DPP4: variants seen among roughly 807,000 people sequenced by gnomAD.
DPP4 encodes the protein dipeptidyl peptidase 4, also known as ADCP-2.
Under a neutral mutation model 122.4 loss-of-function variants are expected in DPP4, and 93 were observed. That is an observed-to-expected ratio of 0.76 (90% confidence interval 0.64 to 0.90). DPP4 has a LOEUF of 0.90. Among genes scored for constraint, DPP4 ranks in the 40% least tolerant of loss-of-function variants. The pLI, the probability that DPP4 is intolerant of heterozygous loss-of-function variation, is 0.00. For missense variants in DPP4, 914 were observed against 907.3 expected (o/e 1.01, Z -0.09); for synonymous variants, 321 against 302.9 (o/e 1.06, Z -0.62).
At chr2:162,016,889 A>G in intron 17 of DPP4, 23 bp from the exon 18 acceptor site, 1 of 1,589,000 alleles carries the variant, frequency 6.3e-7, no homozygotes, top group East Asian at 2.2e-5. Flanking sequence ...AGGAGACAGC[A>G]GTCATTCATT....
chr2:162,046,574 T>C (rs1368869468), intron 4 of DPP4: 3 of 391,538 alleles, frequency 7.7e-6, no homozygotes, highest in Non-Finnish European at 1.5e-5. Context: ...TAGCGTTAAG[T>C]GTGTGTATAC....
At chr2:162,049,826 C>T (rs1235660927) in intron 2 of DPP4, among the ~76,000 whole-genome samples, 6 of 152,010 alleles carry the variant, frequency 3.9e-5, no homozygotes, top group Non-Finnish European at 7.4e-5. Context: ...AGCCTTGTAC[C>T]TGCCTAAAAC....
chr2:162,066,107 A>G (rs1251352115), intron 2 of DPP4, among the ~76,000 whole-genome samples: 1 of 152,144 alleles, frequency 6.6e-6, no homozygotes, highest in African/African-American at 2.4e-5. Flanking sequence ...AGCTCTGATA[A>G]AAAGGAAACA....
At chr2:162,041,116 A>G (rs1683969818) in intron 5 of DPP4, among the ~76,000 whole-genome samples, 1 of 152,164 alleles carries the variant, frequency 6.6e-6, no homozygotes, top group African/African-American at 2.4e-5. Flanking sequence ...GGAAAGATAC[A>G]TATTAGACTT....
intron 23 of DPP4, among the ~76,000 whole-genome samples, chr2:161,999,950 G>C (rs1276834582): frequency 1.3e-5 from 2 of 152,146 alleles, no homozygotes; most frequent in Non-Finnish European, 2.9e-5. Context: ...ATTCAGTAAG[G>C]TTAAGTAGCC....
chr2:162,000,201 C>T (rs1269039963), intron 23 of DPP4, among the ~76,000 whole-genome samples: 1 of 152,046 alleles, frequency 6.6e-6, no homozygotes, highest in Non-Finnish European at 1.5e-5. Context: ...ATGCATTCTC[C>T]TACTTGTAAC....
In DPP4 at chr2:161,995,374, T is replaced by C; in HGVS notation, c.2053-2A>G. The C allele has an allele frequency of 6.2e-7, 1 of 1,612,282 alleles. No individual in the cohort carries two copies. The highest frequency in any genetic ancestry group is 8.5e-7 in the Non-Finnish European group (1 of 1,178,378). On this transcript the variant is annotated splice_acceptor_variant, in intron 23 of 25. Coordinates refer to ENST00000360534, the MANE Select transcript of DPP4 (RefSeq NM_001935.4). LOFTEE classifies it high-confidence loss of function. ...AGCTCTGCTCATGACTGTTGAATTCTGGAATTGGGAGAAAGAATGTCATTA... is the reference window on the plus strand; with the variant it reads ...AGCTCTGCTCATGACTGTTGAATTCCGGAATTGGGAGAAAGAATGTCATTA...
chr2:162,021,004 C>T (rs989688675), intron 12 of DPP4, among the ~76,000 whole-genome samples: 11 of 152,156 alleles, frequency 7.2e-5, no homozygotes, highest in African/African-American at 2.4e-4. Context: ...CTTCTGGCTG[C>T]AAGCACCTGG....
intron 2 of DPP4, among the ~76,000 whole-genome samples, chr2:162,053,650 A>G (rs946082971): frequency 2.0e-5 from 3 of 152,196 alleles, no homozygotes; most frequent in African/African-American, 7.2e-5. Flanking sequence ...ATTCTGGTGC[A>G]GCACTCTTCA....
Position 162,073,496 on chromosome 2 carries a change from G to C in DPP4, c.7-10C>G, listed in dbSNP as rs200628893. ...GAACCTTCCACGGTGTCTGCAAGCC[G>C]AGCAGATCAAGTCCAATTAGAGGGA... is the stretch of plus-strand genomic sequence containing the variant. On this transcript the variant is annotated splice_polypyrimidine_tract_variant and intron_variant, in intron 1 of 25. Coordinates refer to ENST00000360534, the MANE Select transcript of DPP4 (RefSeq NM_001935.4). 4 of 1,613,276 alleles carry C rather than the reference G, an allele frequency of 2.5e-6. No individual in the cohort carries two copies. Among genetic ancestry groups the C allele is most frequent in the Non-Finnish European group, 3.4e-6 (4 of 1,179,824 alleles).
chr2:162,011,488 C>A (rs1270365847), intron 20 of DPP4, among the ~76,000 whole-genome samples: 1 of 152,034 alleles, frequency 6.6e-6, no homozygotes, highest in Admixed American at 6.6e-5. Flanking sequence ...CTCAGTTTGT[C>A]CCCGAGTCTG....
Position 162,073,977 on chromosome 2 carries a change from T to G in DPP4, c.5A>C (p.Lys2Thr). The G allele has an allele frequency of 6.2e-7, 1 of 1,611,514 alleles. No individual in the cohort carries two copies. Among genetic ancestry groups the G allele is most frequent in the Non-Finnish European group, 8.5e-7 (1 of 1,178,914 alleles). ...GGACGTACGTGGCGCGGCACTCACC[T>G]TCATCGTCGGCGTCTCCTCGGAAGT... M[K>T]TPWKVLLGLL... The change falls in exon 1 of 26, where the codon AAG becomes ACG. Residue 2 changes from lysine to threonine, a missense_variant and splice_region_variant. Physicochemically the swap from Lys to Thr is moderately conservative, Grantham distance 78. Coordinates refer to ENST00000360534, the MANE Select transcript of DPP4 (RefSeq NM_001935.4).
chr2:161,999,118 A>C (rs1381924795), intron 23 of DPP4, among the ~76,000 whole-genome samples: 1 of 152,128 alleles, frequency 6.6e-6, no homozygotes, highest in Non-Finnish European at 1.5e-5. Flanking sequence ...TTCCCCAGAA[A>C]AAGGCAGCTG....
At chr2:162,031,783 C>A (rs1683558773) in intron 10 of DPP4, among the ~76,000 whole-genome samples, 1 of 152,068 alleles carries the variant, frequency 6.6e-6, no homozygotes, top group South Asian at 2.1e-4. Flanking sequence ...TGTTTTCTAT[C>A]ATCTACTGAT....
At chr2:162,060,109 C>T (rs929012942) in intron 2 of DPP4, among the ~76,000 whole-genome samples, 1 of 152,194 alleles carries the variant, frequency 6.6e-6, no homozygotes, top group African/African-American at 2.4e-5. Flanking sequence ...TACAATCACT[C>T]TTCTAAACCT....
chr2:162,073,873 G>A (rs1685213431), intron 1 of DPP4, 103 bp downstream of exon 1: 1 of 1,503,420 alleles, frequency 6.7e-7, no homozygotes, highest in Non-Finnish European at 9.0e-7. Flanking sequence ...TTCCGCCTAA[G>A]GGGAGTCCCT....
rs1045222099 is a variant in DPP4, at chr2:162,047,145, C to T, written c.194-139G>A. 8 of 564,148 alleles carry T rather than the reference C, an allele frequency of 1.4e-5. No homozygotes were observed. In the East Asian group the frequency reaches 2.3e-4, roughly 16 times the overall value. 34.9% of individuals were successfully genotyped at this position (564,148 alleles called of 1,614,324 possible). On this transcript the variant is annotated intron_variant, in intron 3 of 25. Coordinates refer to ENST00000360534, the MANE Select transcript of DPP4 (RefSeq NM_001935.4). Reference sequence around the variant, plus strand: ...TTGAGAAAACATGAATGATATTATACTAACATTCATTCATTTTTTCATCAT... The same window carrying T: ...TTGAGAAAACATGAATGATATTATATTAACATTCATTCATTTTTTCATCAT...
chr2:162,066,303 C>A (rs1344371692), intron 2 of DPP4, among the ~76,000 whole-genome samples: 1 of 152,014 alleles, frequency 6.6e-6, no homozygotes, highest in Non-Finnish European at 1.5e-5. Flanking sequence ...CTTCTCCAAG[C>A]CACCATCATT....
chr2:162,004,195 C>A (rs985571861), intron 23 of DPP4, among the ~76,000 whole-genome samples: 4 of 152,076 alleles, frequency 2.6e-5, no homozygotes, highest in Admixed American at 2.6e-4. Context: ...CAAGAAGGAA[C>A]CATGAACATG....
Sources: gnomAD v4.1 joint callset for allele counts (sites outside exome capture counted in the v4.1 genomes callset) on GRCh38, gnomAD v4.1.1 for gene constraint, MANE v1.5 for transcripts, NCBI Gene and HGNC (gene_info 2026-07-23, HGNC 2026-07-21) for gene names.